Variants in WDR26 observed in about 807,000 individuals in gnomAD.
WDR26 encodes the protein WD repeat-containing protein 26.
WDR26 carries 5 observed loss-of-function variants against 84.1 expected under a neutral mutation model. The observed-to-expected ratio is 0.06, with a 90% CI of 0.03 to 0.13. The LOEUF (loss-of-function observed/expected upper bound fraction) is 0.13, where lower values mean the gene tolerates loss of function less well. Ranked by LOEUF, WDR26 falls within the 10% of genes least tolerant of loss-of-function variation. The pLI, the probability that WDR26 is intolerant of heterozygous loss-of-function variation, is 1.00. For missense variants in WDR26, 642 were observed against 974.9 expected, an observed-to-expected ratio of 0.66 and a Z score of 4.55; for synonymous variants, 415 against 389.6, an observed-to-expected ratio of 1.07 and a Z score of -0.77.
Position 224,388,195 on chromosome 1 carries a change from C to T in WDR26, c.*1640G>A, listed in dbSNP as rs1673032334. 1 of 152,228 alleles carries T rather than the reference C, an allele frequency of 6.6e-6. No individual in the cohort carries two copies. The highest frequency in any genetic ancestry group is 1.5e-5 in the Non-Finnish European group (1 of 68,038). The allele number at this position is 152,228 out of a possible 1,614,324, so 9.4% of individuals were successfully genotyped here. ...CCCACAATGGAAGAATTTTTGACAT[C>T]CAAGCCCTCTTCTCTTTGTGGATTC... On this transcript the variant is annotated 3_prime_UTR_variant, in exon 14 of 14. Transcript: ENST00000414423.
chr1:224,393,987 G>A lies in WDR26; in HGVS notation c.2101C>T (p.Arg701Cys). The A allele has an allele frequency of 6.5e-7, 1 of 1,529,458 alleles. No homozygotes were observed. Among genetic ancestry groups the A allele is most frequent in the Non-Finnish European group, 8.9e-7 (1 of 1,118,184 alleles). The allele number at this position is 1,529,458 out of a possible 1,614,324, so 94.7% of individuals were successfully genotyped here. The change falls in exon 13 of 14, where the codon CGT becomes TGT. Residue 701 changes from arginine (R) to cysteine (C), a missense_variant. Physicochemically the swap from Arg to Cys is radical, Grantham distance 180. Transcript: ENST00000414423. The stretch of plus-strand genomic sequence containing the variant: ...AGCTCCGCAATTGGCAGTTCACTAC[G>A]TTTGTGCCAGATGTAAACCTTGTGA...
In WDR26 at chr1:224,434,788, G is replaced by C; in HGVS notation, c.-383C>G. On this transcript the variant is annotated 5_prime_UTR_variant, in exon 1 of 14. Coordinates refer to ENST00000414423, the MANE Select transcript of WDR26 (RefSeq NM_001379403.1). ...TGGTGTGTTGATTCTTCCCCCAGCTGCTGCCTAATGGAGTCCAGGCGCTCG... is the reference window on the plus strand; with the variant it reads ...TGGTGTGTTGATTCTTCCCCCAGCTCCTGCCTAATGGAGTCCAGGCGCTCG... 5.1e-6 allele frequency: 5 copies of C among 986,466 alleles called. No homozygotes were observed. Among genetic ancestry groups the C allele is most frequent in the Non-Finnish European group, 6.0e-6 (5 of 830,438 alleles). 61.1% of individuals were successfully genotyped at this position (986,466 alleles called of 1,614,324 possible). A position where few individuals can be genotyped will look rare whatever the true frequency, so the allele number is the denominator to read the frequency against.
At chr1:224,401,702 G>GAAAAAAAAAAAGAAAAAAGAAAA (rs5781368) in intron 8 of WDR26, among the ~76,000 whole-genome samples, 1 of 97,766 alleles carries the variant, frequency 1.0e-5, no homozygotes, top group African/African-American at 4.0e-5. Flanking sequence ...AAAAAAAAAA[G>GAAAAAAAAAAAGAAAAAAGAAAA]AAAAAAGAAA....
chr1:224,409,438 C>T lies in WDR26; in HGVS notation c.1458+1989G>A, dbSNP rs142609019. ...GGTTTGCCAAACTGCCAAAGAGGTA[C>T]GTGGTACCAAAAAAAGGTAAAGAAC... On this transcript the variant is annotated intron_variant, in intron 7 of 13. Coordinates refer to ENST00000414423, the MANE Select transcript of WDR26 (RefSeq NM_001379403.1). 2.2e-4 allele frequency among the ~76,000 whole-genome samples: 33 copies of T among 152,078 alleles called. No individual in the cohort carries two copies. In the East Asian group the frequency reaches 4.1e-3, roughly 19 times the overall value.
chr1:224,415,768 G>C (rs539952896), intron 6 of WDR26, among the ~76,000 whole-genome samples: 2 of 152,252 alleles, frequency 1.3e-5, no homozygotes, highest in South Asian at 4.1e-4. Context: ...CCTGGAACAT[G>C]TATTTCTTAA....
intron 3 of WDR26, among the ~76,000 whole-genome samples, chr1:224,428,845 G>A (rs1046965536): frequency 3.1e-4 from 46 of 150,618 alleles, no homozygotes; most frequent in African/African-American, 1.1e-3. Context: ...GGCAGAGGTC[G>A]CAGTGAGCCA....
At chr1:224,420,910 T>C (rs889191901) in intron 4 of WDR26, among the ~76,000 whole-genome samples, 1 of 152,194 alleles carries the variant, frequency 6.6e-6, no homozygotes, top group African/African-American at 2.4e-5. Flanking sequence ...AAGTTGGCCA[T>C]TGTGAATATT....
chr1:224,389,003 C>G lies in WDR26; in HGVS notation c.*832G>C, dbSNP rs564869569. ...TCTGAATTTCTTGTGTAATGTCCTT[C>G]CAAGCACTGTTTCTGACCATGTCTC... On this transcript the variant is annotated 3_prime_UTR_variant, in exon 14 of 14. Coordinates refer to ENST00000414423, the MANE Select transcript of WDR26 (RefSeq NM_001379403.1). 1 of 152,682 alleles carries G rather than the reference C, an allele frequency of 6.5e-6. No individual in the cohort carries two copies. Among genetic ancestry groups the G allele is most frequent in the Non-Finnish European group, 1.5e-5 (1 of 68,016 alleles). 9.5% of individuals were successfully genotyped at this position (152,682 alleles called of 1,614,324 possible).
At position 224,434,794 on chromosome 1, in the gene WDR26, T is replaced by A; in HGVS notation, c.-389A>T. On this transcript the variant is annotated 5_prime_UTR_variant, in exon 1 of 14. Coordinates refer to ENST00000414423, the MANE Select transcript of WDR26 (RefSeq NM_001379403.1). ...GTTGATTCTTCCCCCAGCTGCTGCC[T>A]AATGGAGTCCAGGCGCTCGCGTCAC... 3 of 986,506 alleles carry A rather than the reference T, an allele frequency of 3.0e-6. No homozygotes were observed. Among genetic ancestry groups the A allele is most frequent in the Non-Finnish European group, 3.6e-6 (3 of 830,536 alleles). 61.1% of individuals were successfully genotyped at this position (986,506 alleles called of 1,614,324 possible). A position where few individuals can be genotyped will look rare whatever the true frequency, so the allele number is the denominator to read the frequency against.
intron 6 of WDR26, among the ~76,000 whole-genome samples, chr1:224,413,786 T>TA (rs1255903754): frequency 6.6e-6 from 1 of 152,108 alleles, no homozygotes; most frequent in Non-Finnish European, 1.5e-5. Flanking sequence ...GTATCAGAAA[T>TA]AGTTTTTTCC....
intron 10 of WDR26, 42 bp downstream of exon 10, chr1:224,398,847 A>G: frequency 6.2e-7 from 1 of 1,607,474 alleles, no homozygotes; most frequent in Non-Finnish European, 8.5e-7. Flanking sequence ...ATTTGAATAT[A>G]AATCAGGTAA....
At chr1:224,425,193 AT>A (rs1674174295) in intron 3 of WDR26, among the ~76,000 whole-genome samples, 1 of 152,240 alleles carries the variant, frequency 6.6e-6, no homozygotes, top group South Asian at 2.1e-4. Context: ...ATTTTGGCTT[AT>A]CAAAAGTTAA....
intron 13 of WDR26, among the ~76,000 whole-genome samples, chr1:224,391,727 C>T (rs891474558): frequency 6.6e-6 from 1 of 152,018 alleles, no homozygotes; most frequent in African/African-American, 2.4e-5. Flanking sequence ...TTTCTTTAGC[C>T]TCATCTATAT....
At chr1:224,419,263 A>T (rs1673989698) in intron 5 of WDR26, among the ~76,000 whole-genome samples, 1 of 152,226 alleles carries the variant, frequency 6.6e-6, no homozygotes, top group African/African-American at 2.4e-5. Flanking sequence ...CTTTTCCCCC[A>T]AACAAAATCT....
In WDR26 at chr1:224,387,553, A is replaced by G. The variant is rs763010009; in HGVS notation, c.*2282T>C. On this transcript the variant is annotated 3_prime_UTR_variant, in exon 14 of 14. Coordinates refer to ENST00000414423, the MANE Select transcript of WDR26 (RefSeq NM_001379403.1). ...TCCACTTTTTAAAAAGTGTTTTTAA[A>G]CTGTACTTCAGAAGCACTCTGAAAA... is the stretch of plus-strand genomic sequence containing the variant. 2 of 152,718 alleles carry G rather than the reference A, an allele frequency of 1.3e-5. No individual in the cohort carries two copies. Among genetic ancestry groups the G allele is most frequent in the Non-Finnish European group, 2.9e-5 (2 of 68,016 alleles). The allele number at this position is 152,718 out of a possible 1,614,324, so 9.5% of individuals were successfully genotyped here.
Position 224,388,988 on chromosome 1 carries a change from T to C in WDR26, c.*847A>G, listed in dbSNP as rs1178582767. The C allele has an allele frequency of 6.6e-6, 1 of 152,624 alleles. No homozygotes were observed. The highest frequency in any genetic ancestry group is 1.5e-5 in the Non-Finnish European group (1 of 68,038). The allele number at this position is 152,624 out of a possible 1,614,324, so 9.5% of individuals were successfully genotyped here. On this transcript the variant is annotated 3_prime_UTR_variant, in exon 14 of 14. Coordinates refer to ENST00000414423, the MANE Select transcript of WDR26 (RefSeq NM_001379403.1). ...TCTTCAAAGCATTACTCTGAATTTC[T>C]TGTGTAATGTCCTTCCAAGCACTGT...
intron 6 of WDR26, chr1:224,413,473 A>C: frequency 3.6e-6 from 1 of 275,260 alleles, no homozygotes; most frequent in Non-Finnish European, 7.2e-6. Flanking sequence ...TATTACTACT[A>C]TACATGTGTG....
chr1:224,394,708 G>A (rs1434616013), intron 12 of WDR26, among the ~76,000 whole-genome samples: 1 of 152,016 alleles, frequency 6.6e-6, no homozygotes, highest in African/African-American at 2.4e-5. Context: ...GTTTAGCCAC[G>A]ATGGTCTCCA....
Position 224,431,467 on chromosome 1 carries a change from G to T in WDR26, c.927+10C>A, listed in dbSNP as rs1184621209. On this transcript the variant is annotated intron_variant, in intron 3 of 13. Transcript: ENST00000414423. ...CATAAATGTGAAACTAAGAACAAAAGTGTATTTACCACAATTATTCCCAAC... is the reference window on the plus strand; with the variant it reads ...CATAAATGTGAAACTAAGAACAAAATTGTATTTACCACAATTATTCCCAAC... The T allele has an allele frequency of 6.2e-7, 1 of 1,610,618 alleles. No individual in the cohort carries two copies. The highest frequency in any genetic ancestry group is 8.5e-7 in the Non-Finnish European group (1 of 1,177,196).
Sources: gnomAD v4.1 joint callset for allele counts (sites outside exome capture counted in the v4.1 genomes callset) on GRCh38, gnomAD v4.1.1 for gene constraint, MANE v1.5 for transcripts, NCBI Gene and HGNC (gene_info 2026-07-23, HGNC 2026-07-21) for gene names.